Variants in CNTN5 observed in about 807,000 individuals in gnomAD.
CNTN5 encodes contactin-5.
Under a neutral mutation model 129.1 loss-of-function variants are expected in CNTN5, and 77 were observed. The observed-to-expected ratio is 0.60, with a 90% confidence interval of 0.50 to 0.72. The LOEUF (loss-of-function observed/expected upper bound fraction) is 0.72. Among genes scored for constraint, CNTN5 ranks in the 30% least tolerant of loss-of-function variants. The pLI is 0.00. For synonymous variants in CNTN5, 509 were observed against 465.6 expected, an observed-to-expected ratio of 1.09 and a Z score of -1.20; for missense variants, 1,478 against 1,328.8, an observed-to-expected ratio of 1.11 and a Z score of -1.75.
intron 2 of CNTN5, among the ~76,000 whole-genome samples, chr11:99,383,874 TG>T (rs1940757104): frequency 6.6e-6 from 1 of 152,308 alleles, no homozygotes; most frequent in Admixed American, 6.5e-5. Context: ...TCAGGACTGC[TG>T]GGTACAGCAC....
chr11:99,726,525 A>G (rs940982923), intron 3 of CNTN5, among the ~76,000 whole-genome samples: 1 of 152,214 alleles, frequency 6.6e-6, no homozygotes. Flanking sequence ...CTGTAAGCTA[A>G]ACTCTATGTA....
chr11:100,142,197 T>C (rs1946717037), intron 13 of CNTN5, among the ~76,000 whole-genome samples: 1 of 152,114 alleles, frequency 6.6e-6, no homozygotes. Context: ...GAACTGAGCC[T>C]CACTACCAGG....
At chr11:99,390,136 T>G (rs1504714) in intron 2 of CNTN5, among the ~76,000 whole-genome samples, 35,447 of 151,800 alleles carry the variant, frequency 0.23, 4,852 homozygotes, top group Middle Eastern at 0.34. Context: ...TAAGCCTTTT[T>G]TTTTTGTCAG....
At position 100,129,137 on chromosome 11, in the gene CNTN5, C is replaced by T. The variant is rs964636764; in HGVS notation, c.1580+54843C>T. ...AGAGTAGGTCCACAGGAAATATCTA[C>T]TGAATGAGCACATAATTAAATAAAT... is the stretch of plus-strand genomic sequence containing the variant. On this transcript the variant is annotated intron_variant, in intron 13 of 24. Coordinates refer to ENST00000524871, the MANE Select transcript of CNTN5 (RefSeq NM_014361.4). Among the ~76,000 whole-genome samples, 12 of 152,202 alleles carry T rather than the reference C, an allele frequency of 7.9e-5. No homozygotes were observed. The East Asian group carries it at 1.7e-3, about 22-fold the overall frequency.
chr11:99,160,249 A>G (rs549051403), intron 1 of CNTN5, among the ~76,000 whole-genome samples: 11 of 152,342 alleles, frequency 7.2e-5, no homozygotes, highest in African/African-American at 1.7e-4. Flanking sequence ...ACTGTTGATA[A>G]TTTGGGAAAT....
chr11:99,330,189 G>C (rs1310443719), intron 2 of CNTN5, among the ~76,000 whole-genome samples: 1 of 150,008 alleles, frequency 6.7e-6, no homozygotes, highest in Non-Finnish European at 1.5e-5. Context: ...GAGGAGGGAG[G>C]CAAGGAGGAA....
intron 3 of CNTN5, among the ~76,000 whole-genome samples, chr11:99,575,255 G>A (rs948659567): frequency 6.6e-6 from 1 of 152,108 alleles, no homozygotes; most frequent in African/African-American, 2.4e-5. Context: ...CAGAAAATTT[G>A]ATACTTAAAG....
At chr11:99,886,989 A>C (rs1368795382) in intron 6 of CNTN5, among the ~76,000 whole-genome samples, 2 of 152,150 alleles carry the variant, frequency 1.3e-5, no homozygotes, top group African/African-American at 4.8e-5. Flanking sequence ...AATACAAAAG[A>C]CCGATTATAC....
At chr11:99,778,062 G>C (rs142725104) in intron 3 of CNTN5, among the ~76,000 whole-genome samples, 1,705 of 151,862 alleles carry the variant, frequency 0.011, 34 homozygotes, top group African/African-American at 0.039. Context: ...TTTTAATTCA[G>C]ATTGAGTTGA....
At chr11:100,240,265 A>G (rs1591427597) in intron 16 of CNTN5, among the ~76,000 whole-genome samples, 1 of 149,362 alleles carries the variant, frequency 6.7e-6, no homozygotes, top group East Asian at 1.9e-4. Flanking sequence ...GCTCTATTTA[A>G]GTGCTTCTGC....
intron 9 of CNTN5, among the ~76,000 whole-genome samples, chr11:100,053,127 A>G (rs998872984): frequency 2.6e-5 from 4 of 151,730 alleles, no homozygotes; most frequent in East Asian, 1.9e-4. Flanking sequence ...ATGTAAATCT[A>G]TGTATTTTCT....
intron 3 of CNTN5, among the ~76,000 whole-genome samples, chr11:99,779,658 C>A (rs1444694415): frequency 6.6e-6 from 1 of 151,914 alleles, no homozygotes; most frequent in African/African-American, 2.4e-5. Context: ...GGTTATGATT[C>A]TTACTATATT....
intron 1 of CNTN5, among the ~76,000 whole-genome samples, chr11:99,267,920 G>GCGCGCGCA (rs905178705): frequency 4.3e-5 from 6 of 140,432 alleles, no homozygotes; most frequent in East Asian, 4.1e-4. Context: ...ACACACACAC[G>GCGCGCGCA]CACACACACA....
At chr11:99,874,098 A>T (rs1354652619) in intron 6 of CNTN5, among the ~76,000 whole-genome samples, 1 of 152,138 alleles carries the variant, frequency 6.6e-6, no homozygotes, top group Admixed American at 6.6e-5. Context: ...AAAATTACCT[A>T]CCAGGTATAA....
At chr11:99,558,014 T>C (rs893740109) in intron 3 of CNTN5, among the ~76,000 whole-genome samples, 1 of 151,752 alleles carries the variant, frequency 6.6e-6, no homozygotes, top group South Asian at 2.1e-4. Context: ...AAAAAACAGG[T>C]TTAATAAGAG....
At chr11:99,675,190 A>C (rs532952493) in intron 3 of CNTN5, among the ~76,000 whole-genome samples, 1 of 152,258 alleles carries the variant, frequency 6.6e-6, no homozygotes, top group Admixed American at 6.5e-5. Context: ...CTAGTGCTAA[A>C]TGAGTACAAT....
intron 9 of CNTN5, among the ~76,000 whole-genome samples, chr11:100,009,029 C>A (rs114497201): frequency 6.6e-6 from 1 of 152,046 alleles, no homozygotes; most frequent in East Asian, 1.9e-4. Context: ...ATATCTTTCC[C>A]ATATTCTTTA....
chr11:99,797,590 C>T (rs1044469115), intron 3 of CNTN5, among the ~76,000 whole-genome samples: 3 of 152,040 alleles, frequency 2.0e-5, no homozygotes, highest in Non-Finnish European at 4.4e-5. Flanking sequence ...TGAGAAGTGT[C>T]TGTTCATGTC....
At chr11:99,783,922 T>C (rs1945411632) in intron 3 of CNTN5, among the ~76,000 whole-genome samples, 1 of 151,986 alleles carries the variant, frequency 6.6e-6, no homozygotes, top group South Asian at 2.1e-4. Flanking sequence ...TATACATATG[T>C]AACTAACCTG....
Sources: gnomAD v4.1 joint callset for allele counts (sites outside exome capture counted in the v4.1 genomes callset) on GRCh38, gnomAD v4.1.1 for gene constraint, MANE v1.5 for transcripts, NCBI Gene and HGNC (gene_info 2026-07-23, HGNC 2026-07-21) for gene names.